Variants in ZNF732 observed in about 807,000 individuals in gnomAD.
ZNF732 encodes the protein zinc finger protein 732.
A neutral mutation model predicts 11.5 loss-of-function variants in ZNF732; 12 were observed. The ratio of observed to expected loss-of-function variants is 1.05; its 90% CI spans 0.67 to 1.70. The LOEUF (loss-of-function observed/expected upper bound fraction) is 1.70. ZNF732 is among the 40% of genes most tolerant of loss of function. The pLI is 0.00. For synonymous variants in ZNF732, 231 were observed against 236.5 expected, an observed-to-expected ratio of 0.98 and a Z score of 0.21; for missense variants, 702 against 676.9, an observed-to-expected ratio of 1.04 and a Z score of -0.41.
At position 296,061 on chromosome 4, in the gene ZNF732, A is replaced by G. The variant is rs1553842225; in HGVS notation, c.98T>C (p.Met33Thr). 6.2e-7 allele frequency: 1 copy of G among 1,613,936 alleles called. No homozygotes were observed. Among genetic ancestry groups the G allele is most frequent in the Non-Finnish European group, 8.5e-7 (1 of 1,179,908 alleles). ...GATCAGGTTCCTGTAGTTCTCCAAC[A>G]TCACATCTCTATACAAATTCTGCTG... ...PAQQNLYRDV[M>T]LENYRNLISL... The change falls in exon 2 of 4, where the codon ATG becomes ACG. Residue 33 changes from methionine (M) to threonine (T), a missense_variant. Met to Thr is a moderately conservative substitution (Grantham distance 81). This residue lies in a region of ZNF732 where 596 missense variants were observed against 557.9 expected (regional missense o/e 1.07). Transcript: ENST00000419098.
In ZNF732 at chr4:271,497, C is replaced by T. The variant is rs1362778038; in HGVS notation, c.1360G>A (p.Ala454Thr). The change falls in exon 4 of 4, where the codon GCC becomes ACC. Residue 454 changes from alanine (A) to threonine (T), a missense_variant. Ala to Thr is a moderately conservative substitution (Grantham distance 58, BLOSUM62 0). Around this residue, in one of 3 missense-constraint regions of ZNF732, gnomAD observed 596 missense variants for 557.9 expected, o/e 1.07. Coordinates refer to ENST00000419098, the MANE Select transcript of ZNF732 (RefSeq NM_001137608.3). ...CTCAGGTATGCAGACCATCCAAAGG[C>T]TTTGCCACACTCTTCACATTTGTAA... is the stretch of plus-strand genomic sequence containing the variant. ...KPYKCEECGKAFGWSAYLSKH... is the reference protein window; with the variant it reads ...KPYKCEECGKTFGWSAYLSKH... The T allele has an allele frequency of 6.2e-7, 1 of 1,611,060 alleles. No individual in the cohort carries two copies. Among genetic ancestry groups the T allele is most frequent in the Non-Finnish European group, 8.5e-7 (1 of 1,178,574 alleles).
chr4:305,334 G>T lies in ZNF732; in HGVS notation c.-24C>A, dbSNP rs782128467. 1 of 1,607,756 alleles carries T rather than the reference G, an allele frequency of 6.2e-7. No individual in the cohort carries two copies. Among genetic ancestry groups the T allele is most frequent in the Non-Finnish European group, 8.5e-7 (1 of 1,179,828 alleles). On this transcript the variant is annotated 5_prime_UTR_variant, in exon 1 of 4. Coordinates refer to ENST00000419098, the MANE Select transcript of ZNF732 (RefSeq NM_001137608.3). ...ATTTCCCCACTTCAGGGGTGTAGCG[G>T]AGTCTCAGCTACGAATCATCCAATA... is the stretch of plus-strand genomic sequence containing the variant.
chr4:271,668 T>G lies in ZNF732; in HGVS notation c.1189A>C (p.Lys397Gln), dbSNP rs551984892. The G allele has an allele frequency of 2.5e-6, 4 of 1,611,404 alleles. No homozygotes were observed. In the African/African-American group the frequency reaches 4.0e-5, roughly 16 times the overall value. Residue 397 changes from lysine to glutamine, a missense_variant, in exon 4 of 4, where the codon AAA (lysine) becomes CAA (glutamine). Physicochemically the swap from Lys to Gln is moderately conservative, Grantham distance 53. Transcript: ENST00000419098. The stretch of plus-strand genomic sequence containing the variant: ...AGGGTTGTGAACCGACTAAAGGCTT[T>G]TCCACATTCTTCACATGTGTAGGGT... ...EKPYTCEECG[K>Q]AFSRFTTLNE...
Position 271,612 on chromosome 4 carries a change from C to T in ZNF732, c.1245G>A (p.Glu415=). The change falls in exon 4 of 4, where the codon GAG becomes GAA. Residue 415 remains glutamate, a synonymous_variant. Transcript: ENST00000419098. ...LNEHKRIHTG[E]RPHKCEECGK... ...CACACTCTTCACATTTGTGGGGCCT[C>T]TCTCCAGTATGAATTCTCTTATGTT... 1 of 1,612,462 alleles carries T rather than the reference C, an allele frequency of 6.2e-7. No individual in the cohort carries two copies. Among genetic ancestry groups the T allele is most frequent in the Non-Finnish European group, 8.5e-7 (1 of 1,179,162 alleles).
intron 1 of ZNF732, among the ~76,000 whole-genome samples, chr4:299,371 G>GTATA (rs782754403): frequency 4.9e-5 from 3 of 60,848 alleles, no homozygotes; most frequent in Non-Finnish European, 9.8e-5. Context: ...ACACATATGT[G>GTATA]TATATATATA....
intron 1 of ZNF732, among the ~76,000 whole-genome samples, chr4:299,459 G>A (rs1323223079): frequency 5.1e-5 from 2 of 38,904 alleles, no homozygotes; most frequent in African/African-American, 6.7e-5. Context: ...ATACACATAT[G>A]TGTATATATA....
chr4:272,613 T>C lies in ZNF732; in HGVS notation c.244A>G (p.Thr82Ala), dbSNP rs782463352. The C allele has an allele frequency of 5.9e-6, 9 of 1,529,602 alleles. No homozygotes were observed. In the African/African-American group the frequency reaches 7.0e-5, roughly 12 times the overall value. 94.8% of individuals were successfully genotyped at this position (1,529,602 alleles called of 1,614,324 possible). Residue 82 changes from threonine (T) to alanine (A), a missense_variant, in exon 4 of 4, where the codon ACC (threonine) becomes GCC (alanine). Physicochemically the swap from Thr to Ala is moderately conservative, Grantham distance 58. Transcript: ENST00000419098. ...CCCTGCACTGGCAAAAAGTCTTGGGTGAAATGAGAACACACAGCTGAAAGA... is the reference window on the plus strand; with the variant it reads ...CCCTGCACTGGCAAAAAGTCTTGGGCGAAATGAGAACACACAGCTGAAAGA... ...AKHPAVCSHF[T>A]QDFLPVQGIE... is the part of the protein sequence containing the mutation.
At chr4:272,659 C>T in intron 3 of ZNF732, 29 bp from the exon 4 acceptor site, 3 of 1,466,284 alleles carry the variant, frequency 2.0e-6, no homozygotes, top group Non-Finnish European at 2.7e-6. Context: ...AATTATCCTG[C>T]TTACTAGATT....
chr4:271,449 C>T lies in ZNF732; in HGVS notation c.1408G>A (p.Gly470Arg), dbSNP rs782774524. The T allele has an allele frequency of 2.3e-5, 37 of 1,605,726 alleles. No individual in the cohort carries two copies. The African/African-American group carries it at 4.7e-4, about 20-fold the overall frequency. The change falls in exon 4 of 4, where the codon GGA becomes AGA. Residue 470 changes from glycine (G) to arginine (R), a missense_variant. Transcript: ENST00000419098. ...TCTTCACATCTATAAGGTTTCTCTC[C>T]AGTATGAATTTTCTTATGTTTACTC... ...YLSKHKKIHT[G>R]EKPYRCEECG...
intron 3 of ZNF732, among the ~76,000 whole-genome samples, chr4:275,854 A>T (rs1171578793): frequency 6.6e-6 from 1 of 151,826 alleles, no homozygotes; most frequent in African/African-American, 2.4e-5. Flanking sequence ...TATCTAAAGC[A>T]GTTTGACTTT....
chr4:294,530 A>G (rs1165820179), intron 3 of ZNF732, among the ~76,000 whole-genome samples: 1 of 152,246 alleles, frequency 6.6e-6, no homozygotes, highest in African/African-American at 2.4e-5. Flanking sequence ...GCTTAATATT[A>G]GCAATGTTCT....
chr4:304,570 C>G (rs1430572912), intron 1 of ZNF732, among the ~76,000 whole-genome samples: 4 of 120,966 alleles, frequency 3.3e-5, no homozygotes, highest in African/African-American at 6.5e-5. Context: ...GCAGCTGCCC[C>G]CCCCCTGCAG....
chr4:292,599 T>G (rs1174299362), intron 3 of ZNF732, among the ~76,000 whole-genome samples: 2 of 149,530 alleles, frequency 1.3e-5, no homozygotes, highest in African/African-American at 2.5e-5. Context: ...CCGAAATGTA[T>G]AAGAAACTTA....
rs116067225 is a variant in ZNF732, at chr4:281,121, G to C, written c.227-8491C>G. On this transcript the variant is annotated intron_variant, in intron 3 of 3. Transcript: ENST00000419098. The stretch of plus-strand genomic sequence containing the variant: ...CCTGCCAAAAAGCACACCTGTATGT[G>C]CCCCTGTAGGCATGCTGGCTGACTT... Among the ~76,000 whole-genome samples the C allele has an allele frequency of 4.3e-3, 649 of 152,306 alleles. 5 individuals carry two copies. Among genetic ancestry groups the C allele is most frequent in the African/African-American group, 0.015 (630 of 41,552 alleles).
chr4:270,806 G>A lies in ZNF732; in HGVS notation c.*293C>T. ...ATATGAATTTTCTTATGTTCACTCA[G>A]GGTTGTGGACCATCTAAAAGCTTTG... On this transcript the variant is annotated 3_prime_UTR_variant, in exon 4 of 4. Transcript: ENST00000419098. The A allele has an allele frequency of 5.0e-6, 3 of 597,122 alleles. No homozygotes were observed. The highest frequency in any genetic ancestry group is 9.4e-6 in the Non-Finnish European group (3 of 318,670). 37.0% of individuals were successfully genotyped at this position (597,122 alleles called of 1,614,324 possible). A position where few individuals can be genotyped will look rare whatever the true frequency, so the allele number is the denominator to read the frequency against.
intron 1 of ZNF732, among the ~76,000 whole-genome samples, chr4:305,071 G>C (rs1413753235): frequency 6.6e-6 from 1 of 152,200 alleles, no homozygotes; most frequent in Non-Finnish European, 1.5e-5. Context: ...TCACCCCACA[G>C]CCCAGGGAAG....
At chr4:292,890 C>CAAAAAAAAAAAAAAAAAA (rs34118991) in intron 3 of ZNF732, among the ~76,000 whole-genome samples, 2 of 79,410 alleles carry the variant, frequency 2.5e-5, no homozygotes, top group Non-Finnish European at 5.2e-5. Flanking sequence ...ACTAAAAACA[C>CAAAAAAAAAAAAAAAAAA]AAAAAAAAAA....
chr4:305,312 TC>T lies in ZNF732; in HGVS notation c.-3del. On this transcript the variant is annotated 5_prime_UTR_variant, in exon 1 of 4. Coordinates refer to ENST00000419098, the MANE Select transcript of ZNF732 (RefSeq NM_001137608.3). Reference sequence around the variant, plus strand: ...ACGCCCTGCCCCCACACTCACCATTTCCCCACTTCAGGGGTGTAGCGGAGTC... The same window carrying T: ...ACGCCCTGCCCCCACACTCACCATTTCCCACTTCAGGGGTGTAGCGGAGTC... 1.2e-6 allele frequency: 2 copies of T among 1,607,706 alleles called. No homozygotes were observed.
chr4:297,377 A>C (rs958566709), intron 1 of ZNF732, among the ~76,000 whole-genome samples: 1 of 152,166 alleles, frequency 6.6e-6, no homozygotes, highest in East Asian at 1.9e-4. Context: ...TAAGACACTC[A>C]CATTATGTGT....
Sources: gnomAD v4.1 joint callset for allele counts (sites outside exome capture counted in the v4.1 genomes callset) on GRCh38, gnomAD v4.1.1 for gene constraint, gnomAD v4.1.1 regional missense constraint, MANE v1.5 for transcripts, NCBI Gene and HGNC (gene_info 2026-07-23, HGNC 2026-07-21) for gene names.